The following KCNN2 variants were observed in gnomAD, a reference collection of about 807,000 sequenced individuals.
KCNN2 encodes potassium calcium-activated channel subfamily N member 2, also known as small conductance calcium-activated potassium channel protein 2.
A neutral mutation model predicts 55.5 loss-of-function variants in KCNN2; 24 were observed. The ratio of observed to expected loss-of-function variants is 0.43; its 90% confidence interval spans 0.31 to 0.61. The LOEUF (loss-of-function observed/expected upper bound fraction) is 0.61, where lower values mean the gene tolerates loss of function less well. Ranked by LOEUF, KCNN2 falls within the 20% of genes least tolerant of loss-of-function variation. KCNN2 has a pLI of 0.08. For synonymous variants in KCNN2, 431 were observed against 336.1 expected (o/e 1.28, Z -3.09); for missense variants, 754 against 853.6 (o/e 0.88, Z 1.45).
intron 3 of KCNN2, among the ~76,000 whole-genome samples, chr5:114,406,445 A>G (rs1758936951): frequency 6.6e-6 from 1 of 151,868 alleles, no homozygotes; most frequent in African/African-American, 2.4e-5. Context: ...CCTAAAATCT[A>G]TATTCTATGT....
chr5:114,069,477 C>A (rs1276888128), intron 1 of KCNN2, among the ~76,000 whole-genome samples: 1 of 152,154 alleles, frequency 6.6e-6, no homozygotes, highest in Non-Finnish European at 1.5e-5. Flanking sequence ...CTATAGATTT[C>A]TAAGCCTTTT....
intron 1 of KCNN2, among the ~76,000 whole-genome samples, chr5:114,130,120 C>T (rs1752041292): frequency 6.6e-6 from 1 of 152,204 alleles, no homozygotes; most frequent in Non-Finnish European, 1.5e-5. Context: ...ATGCGAAGCA[C>T]TTTCTTTCTA....
At chr5:114,267,610 G>C (rs998204822) in intron 2 of KCNN2, among the ~76,000 whole-genome samples, 1 of 152,036 alleles carries the variant, frequency 6.6e-6, no homozygotes. Flanking sequence ...ATTTCCCTTG[G>C]AACAGAATTT....
chr5:114,397,928 G>T (rs1758669009), intron 2 of KCNN2, among the ~76,000 whole-genome samples: 1 of 152,120 alleles, frequency 6.6e-6, no homozygotes, highest in African/African-American at 2.4e-5. Flanking sequence ...CTGGATATTA[G>T]ACCTTTGTCA....
At position 114,062,305 on chromosome 5, in the gene KCNN2, C is replaced by T. The variant is rs76305161; in HGVS notation, c.-271+5805C>T. Among the ~76,000 whole-genome samples the T allele has an allele frequency of 4.9e-3, 751 of 152,234 alleles. 11 individuals are homozygous for T. The highest frequency in any genetic ancestry group is 0.017 in the African/African-American group (714 of 41,536). On this transcript the variant is annotated intron_variant, in intron 1 of 10. Transcript: ENST00000512097. ...TCTGGGCAGGGCAGCGCAAAGACCT[C>T]CTGCCAGACATGCAGTGCAGCAAGA...
intron 3 of KCNN2, among the ~76,000 whole-genome samples, chr5:114,422,995 G>T (rs1346817665): frequency 1.3e-5 from 2 of 152,208 alleles, no homozygotes; most frequent in African/African-American, 4.8e-5. Context: ...AAACATAGAA[G>T]TATCCACATC....
At chr5:114,482,456 A>G (rs939048082) in intron 5 of KCNN2, among the ~76,000 whole-genome samples, 1 of 152,190 alleles carries the variant, frequency 6.6e-6, no homozygotes, top group Non-Finnish European at 1.5e-5. Flanking sequence ...ACCATTGTGA[A>G]AGACATTAAG....
chr5:114,288,905 T>C (rs906696884), intron 2 of KCNN2, among the ~76,000 whole-genome samples: 1 of 152,196 alleles, frequency 6.6e-6, no homozygotes, highest in African/African-American at 2.4e-5. Flanking sequence ...CTTATGCTTT[T>C]GGTGTCCTAT....
intron 1 of KCNN2, among the ~76,000 whole-genome samples, chr5:114,201,442 C>G (rs192396648): frequency 7.1e-4 from 108 of 152,124 alleles, no homozygotes; most frequent in African/African-American, 1.6e-3. Context: ...GGGTGAGGCC[C>G]ATCTCAGGTG....
chr5:114,483,070 A>C (rs1580912637), intron 5 of KCNN2, among the ~76,000 whole-genome samples: 1 of 152,050 alleles, frequency 6.6e-6, no homozygotes. Flanking sequence ...AAAGTCTAGC[A>C]GCCTCAAGTG....
intron 2 of KCNN2, among the ~76,000 whole-genome samples, chr5:114,223,769 A>T (rs978860835): frequency 9.9e-5 from 15 of 152,174 alleles, no homozygotes; most frequent in African/African-American, 3.6e-4. Context: ...GACTCAATGA[A>T]CTAAGACGAA....
At chr5:114,164,415 T>A (rs931994081) in intron 1 of KCNN2, among the ~76,000 whole-genome samples, 1 of 152,188 alleles carries the variant, frequency 6.6e-6, no homozygotes, top group Non-Finnish European at 1.5e-5. Context: ...GTCATTCCCA[T>A]AAAAAATTTA....
Position 114,496,359 on chromosome 5 carries a change from T to G in KCNN2, c.*177T>G. The G allele has an allele frequency of 3.2e-6, 2 of 630,188 alleles. No homozygotes were observed. The highest frequency in any genetic ancestry group is 5.4e-6 in the Non-Finnish European group (2 of 372,440). The allele number at this position is 630,188 out of a possible 1,614,324, so 39.0% of individuals were successfully genotyped here. On this transcript the variant is annotated 3_prime_UTR_variant, in exon 8 of 8. Coordinates refer to ENST00000673685, the MANE Select transcript of KCNN2 (RefSeq NM_021614.4). ...TGAGTGAAAACTCTTTTTTTTTCTT[T>G]CAGATGCACAGGGAATGCACCTATT...
chr5:114,175,422 C>T (rs1043759076), intron 1 of KCNN2, among the ~76,000 whole-genome samples: 2 of 152,108 alleles, frequency 1.3e-5, no homozygotes, highest in African/African-American at 2.4e-5. Flanking sequence ...TGAATAGACT[C>T]TTGTGCATCA....
At chr5:114,373,332 C>G (rs923358151) in intron 2 of KCNN2, among the ~76,000 whole-genome samples, 2 of 151,762 alleles carry the variant, frequency 1.3e-5, no homozygotes, top group Admixed American at 1.3e-4. Flanking sequence ...TATATAGAAA[C>G]AATGGGAAAG....
intron 2 of KCNN2, among the ~76,000 whole-genome samples, chr5:114,261,929 A>C (rs766198863): frequency 6.6e-6 from 1 of 152,164 alleles, no homozygotes; most frequent in Non-Finnish European, 1.5e-5. Flanking sequence ...TAATAAACTG[A>C]ACAATCTGAA....
intron 2 of KCNN2, among the ~76,000 whole-genome samples, chr5:114,377,114 CT>C (rs1554084442): frequency 6.6e-6 from 1 of 152,126 alleles, no homozygotes; most frequent in Non-Finnish European, 1.5e-5. Context: ...ATCTCATTGA[CT>C]TTATTTTAAA....
chr5:114,483,688 C>T (rs1176129890), intron 5 of KCNN2, among the ~76,000 whole-genome samples: 1 of 150,006 alleles, frequency 6.7e-6, no homozygotes, highest in Non-Finnish European at 1.5e-5. Flanking sequence ...ACTAGTGAGG[C>T]AGAGCAAATG....
chr5:114,292,474 C>T (rs369331820), intron 2 of KCNN2, among the ~76,000 whole-genome samples: 1 of 152,062 alleles, frequency 6.6e-6, no homozygotes, highest in Non-Finnish European at 1.5e-5. Context: ...CTTGTTTTTG[C>T]CAGGTTTGTC....
Sources: allele counts gnomAD v4.1 joint callset (sites outside exome capture counted in the v4.1 genomes callset), GRCh38; gene constraint gnomAD v4.1.1; transcripts MANE v1.5; gene names NCBI Gene and HGNC (gene_info 2026-07-23, HGNC 2026-07-21).